Variants in C16orf96 observed in about 807,000 individuals in gnomAD.
The protein encoded by C16orf96 is uncharacterized protein C16orf96.
A neutral mutation model predicts 103.6 loss-of-function variants in C16orf96; 108 were observed. The ratio of observed to expected loss-of-function variants is 1.04; its 90% CI spans 0.89 to 1.22. The LOEUF (loss-of-function observed/expected upper bound fraction) is 1.22. C16orf96 is among the 50% of genes most tolerant of loss of function. The pLI is 0.00. For synonymous variants in C16orf96, 566 were observed against 593.5 expected, an observed-to-expected ratio of 0.95 and a Z score of 0.67; for missense variants, 1,586 against 1,464.2, an observed-to-expected ratio of 1.08 and a Z score of -1.36.
intron 2 of C16orf96, among the ~76,000 whole-genome samples, chr16:4,574,111 G>A (rs2059472308): frequency 1.3e-5 from 2 of 152,206 alleles, no homozygotes; most frequent in African/African-American, 4.8e-5. Flanking sequence ...GGGATTACAG[G>A]CATGAGCCAC....
intron 9 of C16orf96, among the ~76,000 whole-genome samples, chr16:4,590,121 G>A (rs1001916900): frequency 1.4e-5 from 2 of 145,922 alleles, no homozygotes; most frequent in Admixed American, 6.8e-5. Flanking sequence ...GCAAGACTCC[G>A]TCTCAAAAAA....
At chr16:4,551,535 T>C (rs1003568812), upstream of C16orf96, among the ~76,000 whole-genome samples, 5 of 152,158 alleles carry the variant, frequency 3.3e-5, no homozygotes, top group African/African-American at 4.8e-5. Context: ...CACTGCACGC[T>C]CCGCCTCCCA....
At chr16:4,554,526 A>G (rs576832798), upstream of C16orf96, among the ~76,000 whole-genome samples, 2 of 150,624 alleles carry the variant, frequency 1.3e-5, no homozygotes, top group African/African-American at 4.9e-5. Flanking sequence ...AATTTTTTGT[A>G]TATTTTTTGA....
intron 1 of C16orf96, among the ~76,000 whole-genome samples, chr16:4,569,516 GC>G (rs1400003965): frequency 6.6e-6 from 1 of 151,864 alleles, no homozygotes; most frequent in African/African-American, 2.4e-5. Flanking sequence ...ACTCTGGGAG[GC>G]CGAGGTGGGT....
chr16:4,570,373 A>G (rs1446790404), intron 1 of C16orf96, among the ~76,000 whole-genome samples: 1 of 151,550 alleles, frequency 6.6e-6, no homozygotes, highest in Non-Finnish European at 1.5e-5. Context: ...TGTTAAGTGC[A>G]TGTATGTTTA....
intron 1 of C16orf96, among the ~76,000 whole-genome samples, chr16:4,565,444 A>G (rs969391135): frequency 1.3e-5 from 2 of 152,230 alleles, no homozygotes; most frequent in African/African-American, 4.8e-5. Context: ...CTCTCACTGC[A>G]TATCACACAG....
At chr16:4,578,423 G>A (rs991096945) in intron 5 of C16orf96, among the ~76,000 whole-genome samples, 2 of 151,966 alleles carry the variant, frequency 1.3e-5, no homozygotes, top group African/African-American at 2.4e-5. Context: ...GAGTACAGGC[G>A]TGAGCCACTG....
intron 7 of C16orf96, among the ~76,000 whole-genome samples, chr16:4,581,136 G>GTA (rs1434659974): frequency 7.6e-4 from 31 of 40,790 alleles, no homozygotes; most frequent in African/African-American, 1.9e-3. Flanking sequence ...AAATATATAT[G>GTA]TATACATATA....
chr16:4,588,802 C>G (rs1460132585), intron 9 of C16orf96, among the ~76,000 whole-genome samples: 1 of 147,826 alleles, frequency 6.8e-6, no homozygotes, highest in Non-Finnish European at 1.5e-5. Flanking sequence ...CAGAGGAGAA[C>G]ACTGAGCCTC....
chr16:4,582,239 G>A (rs567809529), intron 7 of C16orf96, among the ~76,000 whole-genome samples: 11 of 151,774 alleles, frequency 7.2e-5, no homozygotes, highest in Non-Finnish European at 1.2e-4. Flanking sequence ...CGAAGATTGC[G>A]CCATTGCACT....
chr16:4,540,991 G>A, the C16orf96 span, among the ~76,000 whole-genome samples: 3 of 147,672 alleles, frequency 2.0e-5, no homozygotes, highest in Non-Finnish European at 4.5e-5. Context: ...TCGGCTCACT[G>A]CAACCTCCGT....
At chr16:4,592,042 C>T (rs548850699) in intron 10 of C16orf96, among the ~76,000 whole-genome samples, 17 of 152,332 alleles carry the variant, frequency 1.1e-4, no homozygotes, top group African/African-American at 4.1e-4. Context: ...TGACCCCCAC[C>T]CAGACAGTGC....
rs1240796690 is a variant in C16orf96, at chr16:4,594,500, A to C, written c.3017A>C (p.Asp1006Ala). Reference protein sequence around the residue: ...LYPYGDPHVIDYDSAEVDILG... With the variant: ...LYPYGDPHVIAYDSAEVDILG... ...CCCTACGGGGATCCCCACGTGATCG[A>C]CTATGACAGCGTGAGTCTGGCCGGG... Residue 1006 changes from aspartate to alanine, a missense_variant, in exon 13 of 16, where the codon GAC (aspartate) becomes GCC (alanine). By Grantham distance (126) the Asp-to-Ala change is moderately radical. Transcript: ENST00000444310. The C allele has an allele frequency of 6.4e-7, 1 of 1,551,146 alleles. No individual in the cohort carries two copies. The highest frequency in any genetic ancestry group is 2.0e-5 in the Admixed American group (1 of 51,012).
chr16:4,592,349 T>C lies in C16orf96; in HGVS notation c.2756T>C (p.Val919Ala). 1.3e-6 allele frequency: 2 copies of C among 1,551,684 alleles called. No homozygotes were observed. Among genetic ancestry groups the C allele is most frequent in the South Asian group, 1.2e-5 (1 of 84,070 alleles). ...AAGTGCATCTCCTGTGACCGGCCTGTGGAGATGATGACTGGCCCGTGAGTA... is the reference window on the plus strand; with the variant it reads ...AAGTGCATCTCCTGTGACCGGCCTGCGGAGATGATGACTGGCCCGTGAGTA... ...RVKCISCDRP[V>A]EMMTGPQLIT... is the part of the protein sequence containing the mutation. The change falls in exon 11 of 16, where the codon GTG becomes GCG. Residue 919 changes from valine (V) to alanine (A), a missense_variant. Coordinates refer to ENST00000444310, the MANE Select transcript of C16orf96 (RefSeq NM_001145011.2).
intron 14 of C16orf96, among the ~76,000 whole-genome samples, chr16:4,596,823 C>A (rs958345035): frequency 2.0e-5 from 3 of 152,228 alleles, no homozygotes; most frequent in Non-Finnish European, 4.4e-5. Flanking sequence ...CAGGGCTGCA[C>A]TCCCTCCAAA....
intron 14 of C16orf96, 74 bp downstream of exon 14, chr16:4,594,877 G>C: frequency 2.0e-6 from 3 of 1,464,464 alleles, no homozygotes; most frequent in Non-Finnish European, 1.9e-6. Flanking sequence ...AGAGGGTGCA[G>C]GTGGGGCCCA....
At chr16:4,595,898 G>A (rs1196599851) in intron 14 of C16orf96, among the ~76,000 whole-genome samples, 1 of 151,858 alleles carries the variant, frequency 6.6e-6, no homozygotes, top group Admixed American at 6.6e-5. Context: ...TAGTAGAGAC[G>A]GGGTTTCACC....
chr16:4,564,759 C>G lies in C16orf96; in HGVS notation c.421-6802C>G, dbSNP rs114867142. 5.7e-3 allele frequency among the ~76,000 whole-genome samples: 864 copies of G among 152,266 alleles called. 6 individuals are homozygous for G. The highest frequency in any genetic ancestry group is 0.017 in the African/African-American group (725 of 41,556). On this transcript the variant is annotated intron_variant, in intron 1 of 15. Transcript: ENST00000444310. ...CCGAGAGGTGGAGATTTCAGTGAACCGAGATCGCGCCGCTGCACTCCAGCC... is the reference window on the plus strand; with the variant it reads ...CCGAGAGGTGGAGATTTCAGTGAACGGAGATCGCGCCGCTGCACTCCAGCC...
In C16orf96 at chr16:4,580,031, G is replaced by A; in HGVS notation, c.2258G>A (p.Arg753Lys). 1.3e-6 allele frequency: 2 copies of A among 1,551,276 alleles called. No homozygotes were observed. Residue 753 changes from arginine to lysine, a missense_variant, in exon 7 of 16, where the codon AGA (arginine) becomes AAA (lysine). Coordinates refer to ENST00000444310, the MANE Select transcript of C16orf96 (RefSeq NM_001145011.2). ...CCCTTTTAGGAGGAAGAACTTGAGA[G>A]AATTTGGGGCAACCAAATAGAGATG... ...KSRLKEEELE[R>K]IWGNQIEMMK... is the part of the protein sequence containing the mutation.
Sources: gnomAD v4.1 joint callset for allele counts (sites outside exome capture counted in the v4.1 genomes callset) on GRCh38, gnomAD v4.1.1 for gene constraint, MANE v1.5 for transcripts, NCBI Gene and HGNC (gene_info 2026-07-23, HGNC 2026-07-21) for gene names.